The following DAAM1 variants were observed in gnomAD, a reference collection of about 807,000 sequenced individuals.
DAAM1 encodes the protein dishevelled associated activator of morphogenesis 1, also known as disheveled-associated activator of morphogenesis 1.
Under a neutral mutation model 130.0 loss-of-function variants are expected in DAAM1, and 52 were observed. That is an observed-to-expected ratio of 0.40 (90% CI 0.32 to 0.50). The LOEUF is 0.50. Among genes scored for constraint, DAAM1 ranks in the 20% least tolerant of loss-of-function variants. The probability of loss-of-function intolerance (pLI) is 0.61; values close to 1 mark genes in which losing one functional copy is unlikely to be tolerated. For missense variants in DAAM1, 1,134 were observed against 1,303.8 expected (o/e 0.87, Z 2.01); for synonymous variants, 452 against 444.5 (o/e 1.02, Z -0.21).
chr14:59,203,045 G>T (rs1327882142), intron 1 of DAAM1, among the ~76,000 whole-genome samples: 2 of 150,618 alleles, frequency 1.3e-5, no homozygotes, highest in African/African-American at 2.4e-5. Flanking sequence ...AGGCTGGAGT[G>T]CAGTGATTCG....
chr14:59,344,984 C>T (rs956474020), intron 16 of DAAM1, among the ~76,000 whole-genome samples: 2 of 151,744 alleles, frequency 1.3e-5, no homozygotes, highest in Admixed American at 1.3e-4. Flanking sequence ...GAGCTCTCCT[C>T]ATGATTATAG....
At chr14:59,229,564 C>T (rs1488576484) in intron 1 of DAAM1, among the ~76,000 whole-genome samples, 1 of 152,126 alleles carries the variant, frequency 6.6e-6, no homozygotes, top group East Asian at 1.9e-4. Flanking sequence ...ACTATCTGTC[C>T]TGGCCCTTTG....
intron 1 of DAAM1, among the ~76,000 whole-genome samples, chr14:59,239,102 C>A (rs940952395): frequency 6.6e-6 from 1 of 152,194 alleles, no homozygotes; most frequent in African/African-American, 2.4e-5. Context: ...GTGCCTCTCT[C>A]TTTTTCTCTC....
In DAAM1 at chr14:59,370,144, C is replaced by CTTTTTTTTTTTTTTTTTTTTTTTTTTTTT. The variant is rs398025271; in HGVS notation, c.*1311_*1312insTTTTTTTTTTTTTTTTTTTTTTTTTTTTT. The CTTTTTTTTTTTTTTTTTTTTTTTTTTTTT allele has an allele frequency of 1.0e-5, 1 of 95,402 alleles. No homozygotes were observed. Among genetic ancestry groups the CTTTTTTTTTTTTTTTTTTTTTTTTTTTTT allele is most frequent in the Non-Finnish European group, 2.2e-5 (1 of 46,366 alleles). The allele number at this position is 95,402 out of a possible 1,614,324, so 5.9% of individuals were successfully genotyped here. ...TATAAAGAGGACTGTTACTTTTTTA[C>CTTTTTTTTTTTTTTTTTTTTTTTTTTTTT]TTTTTTTTTTTTTTTTTTTTTTTTT... On this transcript the variant is annotated 3_prime_UTR_variant, in exon 25 of 25. Transcript: ENST00000360909.
intron 3 of DAAM1, among the ~76,000 whole-genome samples, chr14:59,303,965 T>C (rs2139587528): frequency 6.6e-6 from 1 of 152,238 alleles, no homozygotes; most frequent in East Asian, 1.9e-4. Flanking sequence ...TGATGGAGAA[T>C]GTGGCTTATG....
chr14:59,245,881 G>C (rs1158130346), intron 1 of DAAM1, among the ~76,000 whole-genome samples: 2 of 152,166 alleles, frequency 1.3e-5, no homozygotes, highest in Non-Finnish European at 1.5e-5. Context: ...TTGCAGAAAT[G>C]AAAGCATTCT....
At chr14:59,284,529 C>T (rs1445192537) in intron 2 of DAAM1, among the ~76,000 whole-genome samples, 1 of 152,020 alleles carries the variant, frequency 6.6e-6, no homozygotes, top group Non-Finnish European at 1.5e-5. Context: ...CAAGGAAGCT[C>T]ATTTAGATAC....
intron 20 of DAAM1, 65 bp downstream of exon 20, chr14:59,355,398 C>T: frequency 1.3e-6 from 2 of 1,577,888 alleles, no homozygotes; most frequent in Non-Finnish European, 1.7e-6. Context: ...AGATTTATGC[C>T]TCTCTGGTCC....
At chr14:59,237,234 A>G (rs1440936496) in intron 1 of DAAM1, among the ~76,000 whole-genome samples, 2 of 152,236 alleles carry the variant, frequency 1.3e-5, no homozygotes, top group African/African-American at 4.8e-5. Context: ...TTGTTCTGTC[A>G]GAATAGAATG....
Position 59,260,531 on chromosome 14 carries a change from G to A in DAAM1, c.-37-2910G>A, listed in dbSNP as rs182171987. 6.8e-4 allele frequency among the ~76,000 whole-genome samples: 104 copies of A among 152,118 alleles called. 1 individual carries two copies. Among genetic ancestry groups the A allele is most frequent in the East Asian group, 5.6e-3 (29 of 5,192 alleles). ...GTCATTAAATATTATTTTACAAAGGGCTGCTTGGTAGTCTGTTATCTAGTT... is the reference window on the plus strand; with the variant it reads ...GTCATTAAATATTATTTTACAAAGGACTGCTTGGTAGTCTGTTATCTAGTT... On this transcript the variant is annotated intron_variant, in intron 1 of 24. Coordinates refer to ENST00000360909, the MANE Select transcript of DAAM1 (RefSeq NM_001270520.2).
chr14:59,214,068 A>G (rs1888505316), intron 1 of DAAM1, among the ~76,000 whole-genome samples: 1 of 152,248 alleles, frequency 6.6e-6, no homozygotes, highest in African/African-American at 2.4e-5. Flanking sequence ...CTGAGGCGTT[A>G]GCACAAAGCT....
rs1045740024 is a variant in DAAM1, at chr14:59,339,973, T to C, written c.1969-101T>C. On this transcript the variant is annotated intron_variant, in intron 15 of 24. Transcript: ENST00000360909. ...TCAGCCTTGCCCATGTGTATACGAG[T>C]GTGTGTATGTGTATATGAACAACAA... The C allele has an allele frequency of 5.4e-6, 5 of 926,652 alleles. No individual in the cohort carries two copies. In the Admixed American group the frequency reaches 9.7e-5, roughly 18 times the overall value. 57.4% of individuals were successfully genotyped at this position (926,652 alleles called of 1,614,324 possible). A position where few individuals can be genotyped will look rare whatever the true frequency, so the allele number is the denominator to read the frequency against.
intron 1 of DAAM1, among the ~76,000 whole-genome samples, chr14:59,207,309 A>G (rs987113886): frequency 7.2e-5 from 11 of 152,212 alleles, no homozygotes; most frequent in African/African-American, 2.4e-4. Context: ...TGCTATGGAC[A>G]AGAGGCATTA....
chr14:59,367,116 T>A (rs1173530355), intron 23 of DAAM1, among the ~76,000 whole-genome samples: 3 of 151,888 alleles, frequency 2.0e-5, no homozygotes. Context: ...GGCAAAATCC[T>A]GACTCTACTA....
At chr14:59,241,881 GTC>G (rs750663788) in intron 1 of DAAM1, among the ~76,000 whole-genome samples, 3 of 151,302 alleles carry the variant, frequency 2.0e-5, no homozygotes, top group South Asian at 2.1e-4. Flanking sequence ...ATCACAAACT[GTC>G]TCTCTCTCTC....
chr14:59,201,546 G>T (rs571145211), intron 1 of DAAM1, among the ~76,000 whole-genome samples: 1 of 152,042 alleles, frequency 6.6e-6, no homozygotes, highest in Non-Finnish European at 1.5e-5. Context: ...AACCTGGGAG[G>T]TGGAGGTTGC....
intron 12 of DAAM1, among the ~76,000 whole-genome samples, chr14:59,327,355 G>C (rs1278977774): frequency 2.0e-5 from 3 of 146,350 alleles, no homozygotes; most frequent in Non-Finnish European, 4.5e-5. Context: ...TAAGGGACTT[G>C]AGGAATTATC....
chr14:59,231,999 T>C (rs959830295), intron 1 of DAAM1, among the ~76,000 whole-genome samples: 1 of 152,198 alleles, frequency 6.6e-6, no homozygotes, highest in African/African-American at 2.4e-5. Flanking sequence ...TAGTAAAGTA[T>C]GCTCCAGCCT....
At chr14:59,272,695 TCTTC>T (rs924870024) in intron 2 of DAAM1, among the ~76,000 whole-genome samples, 3 of 151,114 alleles carry the variant, frequency 2.0e-5, no homozygotes, top group Admixed American at 6.6e-5. Flanking sequence ...GGGGGAGAGA[TCTTC>T]CTTTGACAGT....
Sources: allele counts gnomAD v4.1 joint callset (sites outside exome capture counted in the v4.1 genomes callset), GRCh38; gene constraint gnomAD v4.1.1; transcripts MANE v1.5; gene names NCBI Gene and HGNC (gene_info 2026-07-23, HGNC 2026-07-21).